The following CD300LB variants were observed in gnomAD, a reference collection of about 807,000 sequenced individuals.
The protein encoded by CD300LB is CD300 molecule like family member b.
CD300LB carries 18 observed loss-of-function variants against 20.8 expected under a neutral mutation model. The observed-to-expected ratio is 0.87, with a 90% CI of 0.60 to 1.28. The LOEUF is 1.28. Among genes scored for constraint, CD300LB ranks in the 50% most tolerant of loss-of-function variants. The pLI is 0.00. For missense variants in CD300LB, 222 were observed against 251.8 expected, an observed-to-expected ratio of 0.88 and a Z score of 0.80; for synonymous variants, 91 against 91.3, an observed-to-expected ratio of 1.00 and a Z score of 0.02.
intron 1 of CD300LB, among the ~76,000 whole-genome samples, chr17:74,529,722 G>GGAGGTTGCAGTGAGCC (rs1215095580): frequency 1.3e-5 from 2 of 152,060 alleles, no homozygotes; most frequent in African/African-American, 2.4e-5. Flanking sequence ...CCTGGGAGGC[G>GGAGGTTGCAGTGAGCC]GAGGTTGCAG....
intron 1 of CD300LB, among the ~76,000 whole-genome samples, chr17:74,529,523 G>T (rs552301081): frequency 6.6e-6 from 1 of 152,326 alleles, no homozygotes; most frequent in South Asian, 2.1e-4. Context: ...CGGGCACGGT[G>T]GCTCATGCCT....
In CD300LB at chr17:74,522,114, G is replaced by T. The variant is rs1284156242; in HGVS notation, c.*624C>A. The T allele has an allele frequency of 7.1e-6, 7 of 985,078 alleles. No homozygotes were observed. Among genetic ancestry groups the T allele is most frequent in the African/African-American group, 1.7e-5 (1 of 57,158 alleles). The allele number at this position is 985,078 out of a possible 1,614,324, so 61.0% of individuals were successfully genotyped here. On this transcript the variant is annotated 3_prime_UTR_variant, in exon 4 of 4. Coordinates refer to ENST00000392621, the MANE Select transcript of CD300LB (RefSeq NM_174892.4). ...GGTGGGAGGGGGAGGACAAGCACCG[G>T]GCCGGGCCAGGGAGGTTCCCATTGC...
intron 3 of CD300LB, 37 bp downstream of exon 3, chr17:74,523,542 C>T (rs1272902530): frequency 1.4e-6 from 2 of 1,474,150 alleles, no homozygotes; most frequent in African/African-American, 1.4e-5. Flanking sequence ...TAGGAGGGAC[C>T]CCAGGTAGGG....
rs1472726 is a variant in CD300LB at position 74,523,659 on chromosome 17, C to T, written c.371-8G>A. On this transcript the variant is annotated splice_region_variant and splice_polypyrimidine_tract_variant and intron_variant, in intron 2 of 3. Coordinates refer to ENST00000392621, the MANE Select transcript of CD300LB (RefSeq NM_174892.4). Reference sequence around the variant, plus strand: ...TTGTGGAAGCCGCTCCCTCTAGACACAGGCAAAGTCAGCCATGGGTTATTA... The same window carrying T: ...TTGTGGAAGCCGCTCCCTCTAGACATAGGCAAAGTCAGCCATGGGTTATTA... 0.55 allele frequency: 880,202 copies of T among 1,601,088 alleles called. 247,372 individuals are homozygous for T. Among genetic ancestry groups the T allele is most frequent in the Middle Eastern group, 0.66 (3,991 of 6,020 alleles).
intron 2 of CD300LB, among the ~76,000 whole-genome samples, chr17:74,525,516 TG>T (rs1318295899): frequency 2.6e-5 from 4 of 152,112 alleles, no homozygotes; most frequent in African/African-American, 9.7e-5. Context: ...CTGGATTCCT[TG>T]GAGAGACCTC....
At chr17:74,528,398 G>A (rs1193955056) in intron 1 of CD300LB, among the ~76,000 whole-genome samples, 1 of 152,132 alleles carries the variant, frequency 6.6e-6, no homozygotes, top group Admixed American at 6.5e-5. Context: ...AAGCATCAAT[G>A]AGATGATGAA....
At chr17:74,523,371 T>G (rs1298827381) in intron 3 of CD300LB, 2 of 589,010 alleles carry the variant, frequency 3.4e-6, no homozygotes, top group Non-Finnish European at 6.1e-6. Flanking sequence ...CTGAGAAGAG[T>G]TCTGCAGAGC....
Position 74,531,468 on chromosome 17 carries a change from C to A in CD300LB, c.-118G>T, listed in dbSNP as rs377438838. The A allele has an allele frequency of 1.3e-6, 2 of 1,560,768 alleles. No homozygotes were observed. Among genetic ancestry groups the A allele is most frequent in the South Asian group, 1.2e-5 (1 of 84,762 alleles). On this transcript the variant is annotated 5_prime_UTR_variant, in exon 1 of 4. Coordinates refer to ENST00000392621, the MANE Select transcript of CD300LB (RefSeq NM_174892.4). Reference sequence around the variant, plus strand: ...GCTTGCACCTTCTGCACATCTAGACCGCCTTTGACTTTCTTACTCATTCAC... The same window carrying A: ...GCTTGCACCTTCTGCACATCTAGACAGCCTTTGACTTTCTTACTCATTCAC...
chr17:74,527,389 T>C (rs1480953499), intron 1 of CD300LB, among the ~76,000 whole-genome samples: 1 of 152,202 alleles, frequency 6.6e-6, no homozygotes, highest in Non-Finnish European at 1.5e-5. Context: ...AGGCCAGGGG[T>C]CTCTGCAGGG....
At chr17:74,524,954 C>T (rs1907987176) in intron 2 of CD300LB, among the ~76,000 whole-genome samples, 1 of 152,194 alleles carries the variant, frequency 6.6e-6, no homozygotes, top group South Asian at 2.1e-4. Flanking sequence ...CCATGTGCCT[C>T]TTTGGTCCCA....
intron 1 of CD300LB, among the ~76,000 whole-genome samples, chr17:74,530,165 C>T (rs1321510943): frequency 6.6e-6 from 1 of 152,222 alleles, no homozygotes; most frequent in Non-Finnish European, 1.5e-5. Context: ...CCCAGCCATG[C>T]TCTTTCCTGT....
Position 74,523,603 on chromosome 17 carries a change from G to C in CD300LB, c.419C>G (p.Ala140Gly). ...CCTCTTGTGGGAGCCGATGAACACT[G>C]CCATATTGCTGTTGGTAGGTGAGCT... Reference protein sequence around the residue: ...TASSPTNSNMAVFIGSHKRNH... With the variant: ...TASSPTNSNMGVFIGSHKRNH... The change falls in exon 3 of 4, where the codon GCA (alanine) becomes GGA (glycine). Residue 140 changes from alanine (A) to glycine (G), a missense_variant. Transcript: ENST00000392621. The C allele has an allele frequency of 6.2e-7, 1 of 1,613,322 alleles. No individual in the cohort carries two copies. The highest frequency in any genetic ancestry group is 1.7e-5 in the Admixed American group (1 of 60,026).
Position 74,521,237 on chromosome 17 carries a change from C to G in CD300LB, c.*1501G>C. 2.9e-6 allele frequency: 1 copy of G among 342,160 alleles called. No individual in the cohort carries two copies. The highest frequency in any genetic ancestry group is 2.2e-5 in the African/African-American group (1 of 45,046). 21.2% of individuals were successfully genotyped at this position (342,160 alleles called of 1,614,324 possible). On this transcript the variant is annotated 3_prime_UTR_variant, in exon 4 of 4. Transcript: ENST00000392621. The stretch of plus-strand genomic sequence containing the variant: ...AGAAACGGTGGGAAAAGAATGACAT[C>G]ACGTTGACAAGCGCCCATGTCCCCT...
intron 1 of CD300LB, among the ~76,000 whole-genome samples, chr17:74,527,783 T>C (rs1908079487): frequency 6.6e-6 from 1 of 152,120 alleles, no homozygotes; most frequent in African/African-American, 2.4e-5. Context: ...AAACAGATTC[T>C]CCCCTAGAAT....
At chr17:74,530,591 A>ACACACACACCCC (rs879389543) in intron 1 of CD300LB, among the ~76,000 whole-genome samples, 3 of 146,760 alleles carry the variant, frequency 2.0e-5, no homozygotes, top group African/African-American at 7.9e-5. Context: ...ACACACACAC[A>ACACACACACCCC]CCCAACTCTC....
At chr17:74,530,677 G>T (rs112061558) in intron 1 of CD300LB, among the ~76,000 whole-genome samples, 2,547 of 152,212 alleles carry the variant, frequency 0.017, 79 homozygotes, top group African/African-American at 0.057. Context: ...ACAGCTTCGT[G>T]AGTCTTTCTC....
intron 1 of CD300LB, among the ~76,000 whole-genome samples, chr17:74,531,044 A>C (rs1396506373): frequency 2.0e-5 from 3 of 152,098 alleles, no homozygotes; most frequent in Non-Finnish European, 4.4e-5. Context: ...GACTCAAGCA[A>C]TCCTCCCACC....
chr17:74,523,266 T>C, intron 3 of CD300LB: 2 of 520,308 alleles, frequency 3.8e-6, no homozygotes, highest in Non-Finnish European at 7.0e-6. Flanking sequence ...TGTCCCTTGA[T>C]GTCTTGCACC....
chr17:74,531,459 C>A lies in CD300LB; in HGVS notation c.-109G>T. Reference sequence around the variant, plus strand: ...TGAGCTCTGGCTTGCACCTTCTGCACATCTAGACCGCCTTTGACTTTCTTA... The same window carrying A: ...TGAGCTCTGGCTTGCACCTTCTGCAAATCTAGACCGCCTTTGACTTTCTTA... On this transcript the variant is annotated 5_prime_UTR_variant, in exon 1 of 4. The change abolishes an upstream ATG in the 5' untranslated region. Transcript: ENST00000392621. 1 of 1,578,276 alleles carries A rather than the reference C, an allele frequency of 6.3e-7. No homozygotes were observed. The highest frequency in any genetic ancestry group is 8.6e-7 in the Non-Finnish European group (1 of 1,163,168).
Sources: allele counts gnomAD v4.1 joint callset (sites outside exome capture counted in the v4.1 genomes callset), GRCh38; gene constraint gnomAD v4.1.1; transcripts MANE v1.5; gene names NCBI Gene and HGNC (gene_info 2026-07-23, HGNC 2026-07-21).